The following GALM variants were observed in gnomAD, a reference collection of about 807,000 sequenced individuals.
GALM encodes the protein galactose mutarotase, also known as aldose 1-epimerase.
Under a neutral mutation model 37.4 loss-of-function variants are expected in GALM, and 43 were observed. The observed-to-expected ratio is 1.15, with a 90% CI of 0.90 to 1.48. The LOEUF (loss-of-function observed/expected upper bound fraction) is 1.48. Among genes scored for constraint, GALM ranks in the 40% most tolerant of loss-of-function variants. The pLI is 0.00. For missense variants in GALM, 456 were observed against 419.1 expected, an observed-to-expected ratio of 1.09 and a Z score of -0.77; for synonymous variants, 199 against 170.6, an observed-to-expected ratio of 1.17 and a Z score of -1.30.
At chr2:38,703,681 A>G (rs574591310) in intron 4 of GALM, among the ~76,000 whole-genome samples, 16 of 152,300 alleles carry the variant, frequency 1.1e-4, no homozygotes, top group African/African-American at 3.4e-4. Context: ...GAAGATGATG[A>G]AAGAACTTCA....
At chr2:38,697,690 T>C (rs546100096) in intron 4 of GALM, among the ~76,000 whole-genome samples, 5 of 152,260 alleles carry the variant, frequency 3.3e-5, no homozygotes, top group Admixed American at 6.5e-5. Context: ...CTGTAGGTGT[T>C]TGGGGAGGAG....
intron 4 of GALM, among the ~76,000 whole-genome samples, chr2:38,726,003 T>G (rs1331108575): frequency 6.6e-6 from 1 of 151,032 alleles, no homozygotes; most frequent in Non-Finnish European, 1.5e-5. Flanking sequence ...TGAGCCACCA[T>G]GCAAGTCTGG....
At chr2:38,714,465 T>G (rs1666230579) in intron 4 of GALM, among the ~76,000 whole-genome samples, 1 of 152,064 alleles carries the variant, frequency 6.6e-6, no homozygotes, top group Admixed American at 6.6e-5. Context: ...TCCGCCCACC[T>G]CAGCCTGCAA....
At chr2:38,700,039 C>T (rs1270125672) in intron 4 of GALM, among the ~76,000 whole-genome samples, 1 of 152,146 alleles carries the variant, frequency 6.6e-6, no homozygotes, top group African/African-American at 2.4e-5. Flanking sequence ...GCAACCTCCA[C>T]TTCCCAGGTT....
At chr2:38,692,553 A>G (rs1665702791) in intron 4 of GALM, among the ~76,000 whole-genome samples, 2 of 152,174 alleles carry the variant, frequency 1.3e-5, no homozygotes, top group African/African-American at 2.4e-5. Flanking sequence ...GCTGGTCCTC[A>G]TCTGACTCTT....
intron 5 of GALM, among the ~76,000 whole-genome samples, chr2:38,730,728 C>A (rs191381119): frequency 9.2e-4 from 137 of 149,532 alleles, no homozygotes; most frequent in African/African-American, 3.3e-3. Context: ...TGAGACCAGC[C>A]TCGCCAACAT....
In GALM at chr2:38,734,689, T is replaced by C. The variant is rs1008067441; in HGVS notation, c.*1124T>C. On this transcript the variant is annotated 3_prime_UTR_variant, in exon 7 of 7. Transcript: ENST00000272252. Reference sequence around the variant, plus strand: ...AGTGATGGGTTTTGGTTGGTGATTTTGAAAAAAAAAAAAAAAAGTATGTTA... The same window carrying C: ...AGTGATGGGTTTTGGTTGGTGATTTCGAAAAAAAAAAAAAAAAGTATGTTA... The C allele has an allele frequency of 1.4e-4, 4 of 29,072 alleles. No homozygotes were observed. The highest frequency in any genetic ancestry group is 7.4e-4 in the African/African-American group (4 of 5,390). The allele number at this position is 29,072 out of a possible 1,614,324, so 1.8% of individuals were successfully genotyped here.
chr2:38,708,794 G>A (rs1276941267), intron 4 of GALM, among the ~76,000 whole-genome samples: 3 of 151,986 alleles, frequency 2.0e-5, no homozygotes, highest in African/African-American at 7.3e-5. Flanking sequence ...GCTCCTCTGT[G>A]AGGCAGGGAA....
intron 1 of GALM, among the ~76,000 whole-genome samples, chr2:38,675,543 T>TTGTGTG (rs1160196072): frequency 0.01 from 347 of 33,494 alleles, 9 homozygotes; most frequent in Middle Eastern, 0.05. Context: ...TTTTTTTTTT[T>TTGTGTG]TGTGTGTGTG....
At chr2:38,684,959 C>G (rs1665487042) in intron 3 of GALM, among the ~76,000 whole-genome samples, 2 of 152,292 alleles carry the variant, frequency 1.3e-5, no homozygotes, top group Middle Eastern at 3.4e-3. Context: ...TTCCAGTTTT[C>G]CATCTGCTTC....
chr2:38,709,617 A>G (rs1235818500), intron 4 of GALM, among the ~76,000 whole-genome samples: 3 of 152,070 alleles, frequency 2.0e-5, no homozygotes, highest in African/African-American at 7.2e-5. Flanking sequence ...CCAAAGCACC[A>G]GCAGAGGAAA....
chr2:38,710,394 A>C (rs1666125359), intron 4 of GALM, among the ~76,000 whole-genome samples: 1 of 152,202 alleles, frequency 6.6e-6, no homozygotes, highest in Middle Eastern at 3.2e-3. Flanking sequence ...ATCTTGGGTC[A>C]ACATGTCAAA....
At position 38,666,285 on chromosome 2, in the gene GALM, G is replaced by A; in HGVS notation, c.124G>A (p.Ala42Thr). The A allele has an allele frequency of 6.2e-7, 1 of 1,614,060 alleles. No individual in the cohort carries two copies. The change falls in exon 1 of 7, where the codon GCC becomes ACC. Residue 42 changes from alanine to threonine, a missense_variant. Transcript: ENST00000272252. ...CATCTCCTGGGGCTGCACGATCACA[G>A]CCCTAGAGGTCAAAGACAGGCAGGG... ...DIISWGCTIT[A>T]LEVKDRQGRA...
chr2:38,681,019 A>G (rs928187559), intron 2 of GALM, among the ~76,000 whole-genome samples: 6 of 151,822 alleles, frequency 4.0e-5, no homozygotes, highest in South Asian at 2.1e-4. Flanking sequence ...GCCTGTAATC[A>G]TACTCGGGAG....
At chr2:38,726,305 C>G (rs1666485648) in intron 4 of GALM, among the ~76,000 whole-genome samples, 1 of 150,190 alleles carries the variant, frequency 6.7e-6, no homozygotes, top group Non-Finnish European at 1.5e-5. Flanking sequence ...CGGCTCACTG[C>G]AAGCTCCGCC....
At chr2:38,676,264 G>T (rs1271230524) in intron 2 of GALM, among the ~76,000 whole-genome samples, 198 bp downstream of exon 2, 1 of 152,136 alleles carries the variant, frequency 6.6e-6, no homozygotes, top group Non-Finnish European at 1.5e-5. Context: ...GGAACAGACA[G>T]GGGAGCCCCA....
At chr2:38,696,213 G>T (rs575392739) in intron 4 of GALM, among the ~76,000 whole-genome samples, 1 of 151,674 alleles carries the variant, frequency 6.6e-6, no homozygotes, top group African/African-American at 2.4e-5. Flanking sequence ...TCCACCTCCC[G>T]GGTTCAAGCG....
chr2:38,717,712 T>G (rs1340022831), intron 4 of GALM, among the ~76,000 whole-genome samples: 1 of 149,900 alleles, frequency 6.7e-6, no homozygotes, highest in African/African-American at 2.5e-5. Context: ...TAGCTCCATT[T>G]TATAAATGGG....
At position 38,714,509 on chromosome 2, in the gene GALM, G is replaced by A. The variant is rs561163653; in HGVS notation, c.635-15047G>A. Among the ~76,000 whole-genome samples the A allele has an allele frequency of 1.1e-4, 16 of 152,202 alleles. No individual in the cohort carries two copies. The South Asian group carries it at 1.7e-3, about 16-fold the overall frequency. Reference sequence around the variant, plus strand: ...GGATTACAGGTGAGCCACTGCGCCCGGCTGAACTACACTTTGAAACAGGGT... The same window carrying A: ...GGATTACAGGTGAGCCACTGCGCCCAGCTGAACTACACTTTGAAACAGGGT... On this transcript the variant is annotated intron_variant, in intron 4 of 6. Coordinates refer to ENST00000272252, the MANE Select transcript of GALM (RefSeq NM_138801.3).
Sources: allele counts gnomAD v4.1 joint callset (sites outside exome capture counted in the v4.1 genomes callset), GRCh38; gene constraint gnomAD v4.1.1; transcripts MANE v1.5; gene names NCBI Gene and HGNC (gene_info 2026-07-23, HGNC 2026-07-21).